Variants in PLA2R1 observed in about 807,000 individuals in gnomAD.
The protein encoded by PLA2R1 is secretory phospholipase A2 receptor.
PLA2R1 carries 158 observed loss-of-function variants against 195.9 expected under a neutral mutation model. The ratio of observed to expected loss-of-function variants is 0.81; its 90% confidence interval spans 0.71 to 0.92. The LOEUF (loss-of-function observed/expected upper bound fraction) is 0.92. Ranked by LOEUF, PLA2R1 falls within the 40% of genes least tolerant of loss-of-function variation. The pLI, the probability that PLA2R1 is intolerant of heterozygous loss-of-function variation, is 0.00. For missense variants in PLA2R1, 1,626 were observed against 1,764.6 expected (o/e 0.92, Z 1.41); for synonymous variants, 586 against 598.2 (o/e 0.98, Z 0.30).
chr2:159,929,648 G>T (rs1411080982), downstream of PLA2R1, among the ~76,000 whole-genome samples: 1 of 152,098 alleles, frequency 6.6e-6, no homozygotes, highest in African/African-American at 2.4e-5. Context: ...TCCCACTACT[G>T]GCTGTCTACC....
chr2:159,981,216 C>CGTGTGT (rs3061613), intron 13 of PLA2R1, among the ~76,000 whole-genome samples: 4,338 of 148,194 alleles, frequency 0.029, 72 homozygotes, highest in East Asian at 0.049. Flanking sequence ...TATGTGCATA[C>CGTGTGT]GTGTGTGTGT....
chr2:160,055,924 T>C (rs1559028300), intron 1 of PLA2R1, among the ~76,000 whole-genome samples: 1 of 152,166 alleles, frequency 6.6e-6, no homozygotes, highest in Non-Finnish European at 1.5e-5. Flanking sequence ...CGCCTCCAGG[T>C]AGTGGCTCTC....
intron 11 of PLA2R1, among the ~76,000 whole-genome samples, chr2:159,991,529 T>C (rs1690794122): frequency 6.6e-6 from 1 of 151,474 alleles, no homozygotes; most frequent in African/African-American, 2.4e-5. Flanking sequence ...TAGTTACATA[T>C]GTATACATGT....
Position 160,045,049 on chromosome 2 carries a change from C to A in PLA2R1, c.218G>T (p.Trp73Leu). ...GAGGCCATGGTTTGAAACCCATTTC[C>A]ACAGCATGTGCTTGTTTGCTTGCTT... Reference protein sequence around the residue: ...NCKQANKHMLWKWVSNHGLFN... With the variant: ...NCKQANKHMLLKWVSNHGLFN... Residue 73 changes from tryptophan (W) to leucine (L), a missense_variant, in exon 2 of 30, where the codon TGG (tryptophan) becomes TTG (leucine). By Grantham distance (61) the Trp-to-Leu change is moderately conservative. Coordinates refer to ENST00000283243, the MANE Select transcript of PLA2R1 (RefSeq NM_007366.5). 1.2e-6 allele frequency: 2 copies of A among 1,614,216 alleles called. No homozygotes were observed. The highest frequency in any genetic ancestry group is 1.7e-6 in the Non-Finnish European group (2 of 1,180,022).
chr2:159,945,305 G>A (rs917757240), intron 27 of PLA2R1, among the ~76,000 whole-genome samples: 37 of 151,770 alleles, frequency 2.4e-4, no homozygotes, highest in Admixed American at 1.9e-3. Flanking sequence ...CCACTAACTC[G>A]TCATCCAGCA....
chr2:160,020,870 T>G (rs1451654325), intron 7 of PLA2R1, among the ~76,000 whole-genome samples: 4 of 152,208 alleles, frequency 2.6e-5, no homozygotes, highest in African/African-American at 9.6e-5. Flanking sequence ...TATCCAGATC[T>G]GCTTGATATA....
intron 6 of PLA2R1, among the ~76,000 whole-genome samples, chr2:160,027,827 G>A (rs1693618113): frequency 6.6e-6 from 1 of 152,128 alleles, no homozygotes; most frequent in Admixed American, 6.5e-5. Flanking sequence ...GAGTGTGGCA[G>A]AAAATCAATG....
chr2:159,963,656 T>C (rs750974043), intron 20 of PLA2R1, among the ~76,000 whole-genome samples: 1 of 152,146 alleles, frequency 6.6e-6, no homozygotes, highest in African/African-American at 2.4e-5. Context: ...CTTCATCAGA[T>C]AATAGAGAAA....
chr2:160,013,497 G>T, intron 9 of PLA2R1, 122 bp from the exon 10 acceptor site: 1 of 481,828 alleles, frequency 2.1e-6, no homozygotes, highest in Non-Finnish European at 3.7e-6. Context: ...AAAACTCCTT[G>T]AATTTTTGTC....
At chr2:160,005,069 C>G (rs558873142) in intron 11 of PLA2R1, among the ~76,000 whole-genome samples, 1 of 152,280 alleles carries the variant, frequency 6.6e-6, no homozygotes, top group Admixed American at 6.5e-5. Context: ...GAGGGAGAAG[C>G]TGGACTTGCT....
intron 1 of PLA2R1, among the ~76,000 whole-genome samples, chr2:160,050,138 A>C (rs1695126162): frequency 6.6e-6 from 1 of 152,260 alleles, no homozygotes; most frequent in Non-Finnish European, 1.5e-5. Flanking sequence ...CAATTATTTT[A>C]AAAGATTTAA....
chr2:159,944,344 A>G (rs1048877612), intron 28 of PLA2R1, among the ~76,000 whole-genome samples: 1 of 152,312 alleles, frequency 6.6e-6, no homozygotes, highest in African/African-American at 2.4e-5. Context: ...TGCTGTAATT[A>G]TTATAGACAT....
rs1687100710 is a variant in PLA2R1, at chr2:159,941,882, T to C, written c.4288A>G (p.Arg1430Gly). Residue 1430 changes from arginine (R) to glycine (G), a missense_variant, in exon 30 of 30, where the codon AGA (arginine) becomes GGA (glycine). Coordinates refer to ENST00000283243, the MANE Select transcript of PLA2R1 (RefSeq NM_007366.5). ...TAAGGATTCCGAAACCCTGCAAGTC[T>C]CCTGAAGAAGCCACCGTTATGCTTG... ...IYKHNGGFFR[R>G]LAGFRNPYYP... The C allele has an allele frequency of 6.2e-7, 1 of 1,613,446 alleles. No homozygotes were observed. The highest frequency in any genetic ancestry group is 8.5e-7 in the Non-Finnish European group (1 of 1,179,518).
rs1382935395 is a variant in PLA2R1, at chr2:159,940,445, G to C, written c.*1333C>G. 1 of 152,240 alleles carries C rather than the reference G, an allele frequency of 6.6e-6. No homozygotes were observed. The allele number at this position is 152,240 out of a possible 1,614,324, so 9.4% of individuals were successfully genotyped here. ...GTCTCATTCAGTTGCCCAGGCAGGA[G>C]TGCAGTGGTGCAACCATAGCTCACT... On this transcript the variant is annotated 3_prime_UTR_variant, in exon 30 of 30. Coordinates refer to ENST00000283243, the MANE Select transcript of PLA2R1 (RefSeq NM_007366.5).
At chr2:159,984,674 C>T (rs530576997) in intron 12 of PLA2R1, among the ~76,000 whole-genome samples, 1 of 152,312 alleles carries the variant, frequency 6.6e-6, no homozygotes, top group African/African-American at 2.4e-5. Context: ...TGCCTAAAAT[C>T]TCTGCTGCTT....
chr2:159,951,062 G>A (rs915730437), intron 24 of PLA2R1, among the ~76,000 whole-genome samples: 10 of 152,048 alleles, frequency 6.6e-5, no homozygotes, highest in African/African-American at 1.9e-4. Flanking sequence ...AGGCAGTATC[G>A]GGGTACTTGG....
intron 12 of PLA2R1, among the ~76,000 whole-genome samples, chr2:159,986,788 T>C (rs577872926): frequency 1.3e-5 from 2 of 152,166 alleles, no homozygotes; most frequent in East Asian, 1.9e-4. Flanking sequence ...GATTTCACCA[T>C]GTTGGCCAGG....
chr2:159,951,167 T>A (rs992946900), intron 24 of PLA2R1, among the ~76,000 whole-genome samples, 173 bp downstream of exon 24: 2 of 152,246 alleles, frequency 1.3e-5, no homozygotes, highest in East Asian at 3.8e-4. Context: ...TTTGTAGTCA[T>A]AGGCTGTTCA....
At chr2:159,969,618 G>A (rs905124544) in intron 18 of PLA2R1, among the ~76,000 whole-genome samples, 7 of 151,898 alleles carry the variant, frequency 4.6e-5, no homozygotes, top group Admixed American at 2.0e-4. Flanking sequence ...CTCGGCTCAC[G>A]GCAGCCTCTG....
Sources: allele counts gnomAD v4.1 joint callset (sites outside exome capture counted in the v4.1 genomes callset), GRCh38; gene constraint gnomAD v4.1.1; transcripts MANE v1.5; gene names NCBI Gene and HGNC (gene_info 2026-07-23, HGNC 2026-07-21).